Variants in SPATA1 observed in about 807,000 individuals in gnomAD.
The protein encoded by SPATA1 is spermatogenesis-associated protein 1.
Under a neutral mutation model 59.6 loss-of-function variants are expected in SPATA1, and 57 were observed. The observed-to-expected ratio is 0.96, with a 90% CI of 0.77 to 1.19. SPATA1 has a LOEUF of 1.19. Among genes scored for constraint, SPATA1 ranks in the 50% most tolerant of loss-of-function variants. The pLI is 0.00. For missense variants in SPATA1, 448 were observed against 480.7 expected (o/e 0.93, Z 0.64); for synonymous variants, 147 against 163.9 (o/e 0.90, Z 0.79).
Position 84,522,593 on chromosome 1 carries a change from T to A in SPATA1, c.261+86T>A, listed in dbSNP as rs181581603. 683 of 564,118 alleles carry A rather than the reference T, an allele frequency of 1.2e-3. 1 individual carries two copies. The highest frequency in any genetic ancestry group is 0.012 in the African/African-American group (610 of 52,106). 34.9% of individuals were successfully genotyped at this position (564,118 alleles called of 1,614,324 possible). A position where few individuals can be genotyped will look rare whatever the true frequency, so the allele number is the denominator to read the frequency against. ...CTTAAATGCTTATCAACTCAGCTCCTTAAGATATTATTAGATATGTAATCT... is the reference window on the plus strand; with the variant it reads ...CTTAAATGCTTATCAACTCAGCTCCATAAGATATTATTAGATATGTAATCT... On this transcript the variant is annotated intron_variant, in intron 4 of 12. Transcript: ENST00000490879.
At chr1:84,551,507 T>C (rs1032879836) in intron 12 of SPATA1, 1 of 161,522 alleles carries the variant, frequency 6.2e-6, no homozygotes, top group Non-Finnish European at 1.3e-5. Context: ...ACTTGAAATG[T>C]AGTTTGTGTG....
chr1:84,546,011 TATTA>T (rs1316553760), intron 10 of SPATA1, among the ~76,000 whole-genome samples: 4 of 152,194 alleles, frequency 2.6e-5, no homozygotes, highest in Non-Finnish European at 4.4e-5. Context: ...TTAACTTGTT[TATTA>T]ATTCTTCTAT....
At chr1:84,566,887 A>G (rs192224661), downstream of SPATA1, among the ~76,000 whole-genome samples, 29 of 152,268 alleles carry the variant, frequency 1.9e-4, no homozygotes, top group East Asian at 3.1e-3. Flanking sequence ...TGCCGATCTC[A>G]GCCTCCCAAA....
chr1:84,550,476 C>T, exon 12 of SPATA1: 1 of 1,567,480 alleles, frequency 6.4e-7, no homozygotes, highest in South Asian at 1.2e-5. Context: ...ATGCAATTGA[C>T]CAGCTTAAGA....
intron 4 of SPATA1, among the ~76,000 whole-genome samples, chr1:84,522,837 C>A (rs1019192228): frequency 4.6e-5 from 7 of 151,734 alleles, no homozygotes; most frequent in Admixed American, 6.6e-5. Flanking sequence ...AAATGGGGTT[C>A]TCATCACTTG....
At chr1:84,518,873 C>G (rs1262775859) in intron 2 of SPATA1, among the ~76,000 whole-genome samples, 1 of 151,904 alleles carries the variant, frequency 6.6e-6, no homozygotes, top group South Asian at 2.1e-4. Flanking sequence ...CTTTACCCTG[C>G]CCTACTTATT....
intron 4 of SPATA1, among the ~76,000 whole-genome samples, chr1:84,565,580 A>G (rs775921406): frequency 8.5e-5 from 13 of 152,208 alleles, no homozygotes; most frequent in Non-Finnish European, 1.8e-4. Context: ...TAGTTATGCA[A>G]TCATGAGCAG....
downstream of SPATA1, among the ~76,000 whole-genome samples, chr1:84,559,432 C>G (rs1684546232): frequency 6.6e-6 from 1 of 152,072 alleles, no homozygotes; most frequent in Admixed American, 6.6e-5. Context: ...ACCAGCCTGG[C>G]CAACATGGTG....
At chr1:84,529,531 A>G (rs1428409444) in intron 6 of SPATA1, among the ~76,000 whole-genome samples, 1 of 150,156 alleles carries the variant, frequency 6.7e-6, no homozygotes, top group African/African-American at 2.5e-5. Flanking sequence ...TAGAGAATAA[A>G]TTTATAATAA....
chr1:84,520,814 AT>A, intron 3 of SPATA1, 123 bp downstream of exon 3: 2 of 674,082 alleles, frequency 3.0e-6, no homozygotes, highest in South Asian at 3.5e-5. Context: ...TGATAGATCC[AT>A]TTCCTGACTT....
At chr1:84,564,292 A>C (rs1250523437) in intron 4 of SPATA1, among the ~76,000 whole-genome samples, 1 of 152,246 alleles carries the variant, frequency 6.6e-6, no homozygotes, top group African/African-American at 2.4e-5. Flanking sequence ...GCTGGGGATA[A>C]GAAATGTGTC....
intron 1 of SPATA1, chr1:84,507,177 C>T (rs1682298531): frequency 6.6e-6 from 1 of 152,006 alleles, no homozygotes; most frequent in Non-Finnish European, 1.5e-5. Context: ...GCAGATGTTT[C>T]CTATTTCTTT....
intron 4 of SPATA1, among the ~76,000 whole-genome samples, chr1:84,564,215 C>T (rs1684646425): frequency 6.6e-6 from 1 of 152,066 alleles, no homozygotes; most frequent in Non-Finnish European, 1.5e-5. Flanking sequence ...AACTTTCTAG[C>T]AGTGATGGTC....
chr1:84,556,234 G>A (rs1684425990), downstream of SPATA1, among the ~76,000 whole-genome samples: 1 of 152,052 alleles, frequency 6.6e-6, no homozygotes, highest in Non-Finnish European at 1.5e-5. Context: ...AAAAGGGAAA[G>A]GAGCAGATCT....
At position 84,548,959 on chromosome 1, in the gene SPATA1, TC is replaced by T. The variant is rs1255144926; in HGVS notation, c.1122del (p.Lys375ArgfsTer4). On this transcript the variant is annotated frameshift_variant, in exon 11 of 13. Transcript: ENST00000490879. LOFTEE classifies it high-confidence loss of function. ...AAAGAATCTGGCAAACATCACAGAC[TC>T]CAAGGTATTACTAAATGTATCCCCC... The T allele has an allele frequency of 1.3e-6, 2 of 1,572,676 alleles. No individual in the cohort carries two copies. Among genetic ancestry groups the T allele is most frequent in the South Asian group, 1.2e-5 (1 of 84,418 alleles).
chr1:84,540,564 A>T (rs941876453), intron 8 of SPATA1, among the ~76,000 whole-genome samples: 26 of 152,264 alleles, frequency 1.7e-4, no homozygotes, highest in Admixed American at 1.2e-3. Context: ...TTGTCAAACA[A>T]TATAAATTTT....
intron 10 of SPATA1, among the ~76,000 whole-genome samples, chr1:84,546,900 C>T (rs528771209): frequency 2.6e-4 from 39 of 152,268 alleles, no homozygotes; most frequent in African/African-American, 8.7e-4. Flanking sequence ...GACTGGTGGA[C>T]TGATGAGGCA....
At chr1:84,552,461 C>G (rs1478149071) in intron 12 of SPATA1, 1 of 152,052 alleles carries the variant, frequency 6.6e-6, no homozygotes, top group Non-Finnish European at 1.5e-5. Flanking sequence ...ACTTCACTTA[C>G]TAGTTTTTTA....
intron 1 of SPATA1, among the ~76,000 whole-genome samples, chr1:84,512,629 AG>A (rs1682620015): frequency 6.6e-6 from 1 of 152,212 alleles, no homozygotes; most frequent in Non-Finnish European, 1.5e-5. Flanking sequence ...ATTTTGGAAA[AG>A]TGCAGAGAAA....
Sources: allele counts gnomAD v4.1 joint callset (sites outside exome capture counted in the v4.1 genomes callset), GRCh38; gene constraint gnomAD v4.1.1; transcripts MANE v1.5; gene names NCBI Gene and HGNC (gene_info 2026-07-23, HGNC 2026-07-21).